The following MYH9 variants were observed in gnomAD, a reference collection of about 807,000 sequenced individuals.
MYH9 encodes myosin heavy chain 9.
In MYH9, 29 loss-of-function variants were observed where a neutral mutation model predicts 241.9. The observed-to-expected ratio is 0.12, with a 90% CI of 0.09 to 0.16. The LOEUF (loss-of-function observed/expected upper bound fraction) is 0.16, where lower values mean the gene tolerates loss of function less well. MYH9 is among the 10% of genes least tolerant of loss of function. The pLI, the probability that MYH9 is intolerant of heterozygous loss-of-function variation, is 1.00. For missense variants in MYH9, 1,803 were observed against 2,595.5 expected, an observed-to-expected ratio of 0.69 and a Z score of 6.63; for synonymous variants, 1,047 against 1,062.6, an observed-to-expected ratio of 0.99 and a Z score of 0.29.
intron 31 of MYH9, among the ~76,000 whole-genome samples, chr22:36,290,792 C>A (rs1157220770): frequency 1.3e-5 from 2 of 150,830 alleles, no homozygotes; most frequent in Non-Finnish European, 1.5e-5. Context: ...AGCGCCTCTG[C>A]CCCGCCGCCC....
chr22:36,386,681 G>A (rs999328718), intron 1 of MYH9, among the ~76,000 whole-genome samples: 12 of 152,048 alleles, frequency 7.9e-5, no homozygotes, highest in African/African-American at 2.7e-4. Context: ...TCTCCACACC[G>A]GCTGGGTGGG....
intron 1 of MYH9, among the ~76,000 whole-genome samples, chr22:36,361,962 C>T (rs113486626): frequency 2.0e-5 from 3 of 152,054 alleles, no homozygotes; most frequent in Non-Finnish European, 4.4e-5. Flanking sequence ...CCCAGCTACC[C>T]GGGAGGCTGA....
chr22:36,303,793 A>G (rs1414321586), intron 19 of MYH9, among the ~76,000 whole-genome samples: 1 of 149,150 alleles, frequency 6.7e-6, no homozygotes, highest in African/African-American at 2.6e-5. Context: ...TCAAAAAAAA[A>G]AAAAAAAAAA....
intron 40 of MYH9, among the ~76,000 whole-genome samples, chr22:36,283,692 C>T (rs1221294034): frequency 2.0e-5 from 3 of 152,174 alleles, no homozygotes; most frequent in African/African-American, 7.2e-5. Flanking sequence ...AGATCCTCTG[C>T]TTCAAACATT....
At chr22:36,343,903 A>C (rs1230906270) in intron 2 of MYH9, among the ~76,000 whole-genome samples, 3 of 152,096 alleles carry the variant, frequency 2.0e-5, no homozygotes, top group Non-Finnish European at 4.4e-5. Context: ...GAAAACCCAC[A>C]CTCTAGGAAA....
At chr22:36,318,669 C>CA (rs2017199610) in intron 10 of MYH9, among the ~76,000 whole-genome samples, 1 of 152,208 alleles carries the variant, frequency 6.6e-6, no homozygotes, top group Non-Finnish European at 1.5e-5. Context: ...CCGCACTCCT[C>CA]AGAGTGTAAA....
intron 14 of MYH9, 118 bp from the exon 15 acceptor site, chr22:36,309,514 T>C: frequency 2.7e-6 from 2 of 748,966 alleles, no homozygotes; most frequent in East Asian, 5.3e-5. Flanking sequence ...GAAGACCCTT[T>C]GATCCAGCAT....
chr22:36,371,638 C>T (rs559422238), intron 1 of MYH9, among the ~76,000 whole-genome samples: 4 of 152,238 alleles, frequency 2.6e-5, no homozygotes, highest in Admixed American at 1.3e-4. Flanking sequence ...CAGGTTCATG[C>T]GATTCTTCCT....
chr22:36,313,548 A>G (rs993553890), intron 13 of MYH9, among the ~76,000 whole-genome samples: 1 of 152,006 alleles, frequency 6.6e-6, no homozygotes, highest in African/African-American at 2.4e-5. Flanking sequence ...AAACACAAAC[A>G]GGCGACCCAA....
rs527774345 is a variant in MYH9, at chr22:36,352,373, T to G, written c.-19-3118A>C. 1.6e-4 allele frequency among the ~76,000 whole-genome samples: 24 copies of G among 152,340 alleles called. No individual in the cohort carries two copies. In the South Asian group the frequency reaches 4.8e-3, roughly 30 times the overall value. On this transcript the variant is annotated intron_variant, in intron 1 of 40. Transcript: ENST00000216181. ...CGGCCCGCTACTGTCGGCGCAAGCT[T>G]GCAGCCCATCAGCAGTGGCAGAATG...
chr22:36,318,354 A>G, intron 10 of MYH9, 29 bp from the exon 11 acceptor site: 1 of 1,547,068 alleles, frequency 6.5e-7, no homozygotes, highest in Non-Finnish European at 8.9e-7. Context: ...TAAGAGAGGG[A>G]CAAAAAGTCC....
At chr22:36,336,605 A>C (rs1438117414) in intron 3 of MYH9, among the ~76,000 whole-genome samples, 1 of 152,226 alleles carries the variant, frequency 6.6e-6, no homozygotes, top group Non-Finnish European at 1.5e-5. Context: ...CATGACAACG[A>C]ATTAACAACA....
intron 27 of MYH9, 76 bp downstream of exon 27, chr22:36,294,856 C>T: frequency 3.8e-6 from 6 of 1,593,638 alleles, no homozygotes; most frequent in Non-Finnish European, 4.3e-6. Flanking sequence ...AACTGCTCTG[C>T]AGGACTGGTT....
At chr22:36,294,468 C>G (rs1223431113) in intron 27 of MYH9, among the ~76,000 whole-genome samples, 170 bp from the exon 28 acceptor site, 1 of 152,214 alleles carries the variant, frequency 6.6e-6, no homozygotes, top group East Asian at 1.9e-4. Context: ...GTCCTCTTCT[C>G]TCTTAGCTGG....
At chr22:36,363,769 C>T (rs1447576560) in intron 1 of MYH9, among the ~76,000 whole-genome samples, 1 of 152,182 alleles carries the variant, frequency 6.6e-6, no homozygotes, top group Non-Finnish European at 1.5e-5. Flanking sequence ...CCCTTTGACT[C>T]ACCCCCAGGT....
Position 36,288,406 on chromosome 22 carries a change from T to C in MYH9, c.4778A>G (p.Glu1593Gly). The C allele has an allele frequency of 2.5e-6, 4 of 1,609,898 alleles. No homozygotes were observed. The highest frequency in any genetic ancestry group is 3.4e-6 in the Non-Finnish European group (4 of 1,179,834). ...CTCGTCCTCCAGCTCTGCCTCCATC[T>C]CCCGCACCTGGGGGAAGGAACATCA... is the stretch of plus-strand genomic sequence containing the variant. The part of the protein sequence containing the change: ...KKKQLVRQVR[E>G]MEAELEDERK... The change falls in exon 34 of 41, where the codon GAG (glutamate) becomes GGG (glycine). Residue 1593 changes from glutamate (E) to glycine (G), a missense_variant. Around this residue, in one of 11 missense-constraint regions of MYH9, gnomAD observed 876 missense variants for 1,077.8 expected, o/e 0.81. Transcript: ENST00000216181. This position sits in a 1 kb window ranked among gnomAD's most constrained non-coding sequence, Gnocchi z 4.8.
intron 1 of MYH9, among the ~76,000 whole-genome samples, chr22:36,354,386 G>T (rs899288324): frequency 6.6e-6 from 1 of 151,068 alleles, no homozygotes; most frequent in Non-Finnish European, 1.5e-5. Flanking sequence ...ATATTCTCAA[G>T]TGTTTTTTTC....
chr22:36,286,540 C>A (rs904553645), intron 35 of MYH9, among the ~76,000 whole-genome samples, 178 bp downstream of exon 35: 3 of 152,198 alleles, frequency 2.0e-5, no homozygotes, highest in Non-Finnish European at 4.4e-5. Context: ...TCTGATCATA[C>A]GAGGGAGCCC....
intron 1 of MYH9, among the ~76,000 whole-genome samples, chr22:36,375,286 C>G (rs1273149341): frequency 6.6e-6 from 1 of 152,098 alleles, no homozygotes; most frequent in Non-Finnish European, 1.5e-5. Context: ...ACAGGCACAG[C>G]AGTGCCTGGA....
Sources: gnomAD v4.1 joint callset for allele counts (sites outside exome capture counted in the v4.1 genomes callset) on GRCh38, gnomAD v4.1.1 for gene constraint, gnomAD v4.1.1 regional missense constraint, Gnocchi (gnomAD v3.1) non-coding constraint, MANE v1.5 for transcripts, NCBI Gene and HGNC (gene_info 2026-07-23, HGNC 2026-07-21) for gene names.